The following ADCY2 variants were observed in gnomAD, a reference collection of about 807,000 sequenced individuals.
ADCY2 encodes adenylate cyclase 2, also known as adenylate cyclase type 2.
A neutral mutation model predicts 125.2 loss-of-function variants in ADCY2; 31 were observed. The ratio of observed to expected loss-of-function variants is 0.25; its 90% CI spans 0.19 to 0.33. ADCY2 has a LOEUF of 0.33. ADCY2 is among the 10% of genes least tolerant of loss of function. The pLI, the probability that ADCY2 is intolerant of heterozygous loss-of-function variation, is 1.00. For missense variants in ADCY2, 904 were observed against 1,418.2 expected (o/e 0.64, Z 5.82); for synonymous variants, 512 against 548.4 (o/e 0.93, Z 0.93).
chr5:7,482,279 A>G (rs1742760176), intron 2 of ADCY2, among the ~76,000 whole-genome samples: 1 of 151,808 alleles, frequency 6.6e-6, no homozygotes, highest in African/African-American at 2.4e-5. Flanking sequence ...GATTATTATT[A>G]TTTTACTTCA....
intron 12 of ADCY2, among the ~76,000 whole-genome samples, chr5:7,719,867 G>C (rs1376775951): frequency 1.3e-5 from 2 of 152,184 alleles, no homozygotes; most frequent in Non-Finnish European, 2.9e-5. Flanking sequence ...CAATAAGAAA[G>C]TGGTCTTCTC....
intron 2 of ADCY2, among the ~76,000 whole-genome samples, chr5:7,463,197 T>C (rs908487323): frequency 1.3e-5 from 2 of 151,438 alleles, no homozygotes; most frequent in African/African-American, 4.9e-5. Context: ...TTACATGCCA[T>C]TTTTTTTGGT....
At chr5:7,607,200 T>C (rs2126640452) in intron 3 of ADCY2, among the ~76,000 whole-genome samples, 1 of 152,320 alleles carries the variant, frequency 6.6e-6, no homozygotes, top group South Asian at 2.1e-4. Flanking sequence ...GACTTTCTTT[T>C]GGTTTAAAAA....
At chr5:7,556,473 A>T (rs1392034860) in intron 3 of ADCY2, among the ~76,000 whole-genome samples, 1 of 152,260 alleles carries the variant, frequency 6.6e-6, no homozygotes, top group Admixed American at 6.5e-5. Flanking sequence ...TTGTGATTGT[A>T]AACATCTGTT....
chr5:7,520,554 C>T (rs16878750), intron 2 of ADCY2, among the ~76,000 whole-genome samples, 184 bp from the exon 3 acceptor site: 2,702 of 152,286 alleles, frequency 0.018, 77 homozygotes, highest in African/African-American at 0.062. Context: ...TCCATCACAA[C>T]GATTAGTCTG....
intron 2 of ADCY2, among the ~76,000 whole-genome samples, chr5:7,436,879 T>C (rs781231302): frequency 2.6e-5 from 4 of 152,188 alleles, no homozygotes; most frequent in Non-Finnish European, 4.4e-5. Context: ...AGGGAATCTT[T>C]TGATGTCAGG....
intron 22 of ADCY2, among the ~76,000 whole-genome samples, chr5:7,814,346 C>T (rs575906173): frequency 1.3e-5 from 2 of 151,348 alleles, no homozygotes; most frequent in African/African-American, 4.9e-5. Flanking sequence ...CCTCCCCCCG[C>T]CCCCCGGAGC....
At chr5:7,542,712 G>A (rs1388176203) in intron 3 of ADCY2, among the ~76,000 whole-genome samples, 20 of 152,146 alleles carry the variant, frequency 1.3e-4, no homozygotes, top group Admixed American at 1.2e-3. Flanking sequence ...ATTTGGTGAG[G>A]CCTACCTTCA....
intron 4 of ADCY2, among the ~76,000 whole-genome samples, chr5:7,657,688 T>A (rs1739385471): frequency 6.6e-6 from 1 of 152,216 alleles, no homozygotes; most frequent in Admixed American, 6.5e-5. Flanking sequence ...ACGTGAGGGT[T>A]AATCACCTAA....
intron 14 of ADCY2, among the ~76,000 whole-genome samples, chr5:7,730,856 G>C (rs1051124383): frequency 6.6e-6 from 1 of 151,610 alleles, no homozygotes; most frequent in Non-Finnish European, 1.5e-5. Context: ...TCACTATATT[G>C]TTTCCATAAG....
At chr5:7,601,316 AAAAG>A (rs1156482967) in intron 3 of ADCY2, among the ~76,000 whole-genome samples, 1 of 150,658 alleles carries the variant, frequency 6.6e-6, no homozygotes, top group African/African-American at 2.5e-5. Context: ...TGATGAATTA[AAAAG>A]AAAAAAAAAC....
chr5:7,473,218 A>C (rs945460341), intron 2 of ADCY2, among the ~76,000 whole-genome samples: 1 of 152,192 alleles, frequency 6.6e-6, no homozygotes, highest in Non-Finnish European at 1.5e-5. Flanking sequence ...TGTAAAAAAC[A>C]TAAGTTTATT....
intron 2 of ADCY2, among the ~76,000 whole-genome samples, chr5:7,415,344 G>T (rs906363636): frequency 6.6e-6 from 1 of 152,092 alleles, no homozygotes; most frequent in South Asian, 2.1e-4. Context: ...CAAACCCATC[G>T]TACCACAGCC....
chr5:7,435,028 C>T (rs1181934320), intron 2 of ADCY2, among the ~76,000 whole-genome samples: 1 of 152,136 alleles, frequency 6.6e-6, no homozygotes, highest in Admixed American at 6.5e-5. Flanking sequence ...CTGGGAAACC[C>T]ATTCAGTTGG....
At chr5:7,717,364 A>G in intron 12 of ADCY2, 127 bp downstream of exon 12, 2 of 542,290 alleles carry the variant, frequency 3.7e-6, no homozygotes, top group Non-Finnish European at 6.5e-6. Flanking sequence ...ATTTCACTTC[A>G]GTTGTCCCTC....
chr5:7,508,999 A>T (rs1314680655), intron 2 of ADCY2, among the ~76,000 whole-genome samples: 1 of 152,180 alleles, frequency 6.6e-6, no homozygotes, highest in Non-Finnish European at 1.5e-5. Context: ...TTTGTTAATT[A>T]TTGGTAGAAA....
At chr5:7,444,175 G>A (rs1342036736) in intron 2 of ADCY2, among the ~76,000 whole-genome samples, 2 of 149,704 alleles carry the variant, frequency 1.3e-5, no homozygotes, top group African/African-American at 2.5e-5. Flanking sequence ...GTGCAGTGGC[G>A]GGATCTCGGC....
intron 12 of ADCY2, among the ~76,000 whole-genome samples, chr5:7,723,943 A>AAAAAAG (rs778086811): frequency 5.6e-5 from 8 of 143,968 alleles, no homozygotes; most frequent in Admixed American, 2.1e-4. Flanking sequence ...AAAAAAAAAA[A>AAAAAAG]AGAGAAAAGA....
In ADCY2 at chr5:7,589,490, GAA is replaced by G. The variant is rs1365371701; in HGVS notation, c.571-36675_571-36674del. On this transcript the variant is annotated intron_variant, in intron 3 of 24. Coordinates refer to ENST00000338316, the MANE Select transcript of ADCY2 (RefSeq NM_020546.3). Reference sequence around the variant, plus strand: ...AGAAAGAAAGAAAGAAAGAAAGAAAGAAAGAAAGAAAGAAAGAAAGAAAAGAA... The same window carrying G: ...AGAAAGAAAGAAAGAAAGAAAGAAAGAGAAAGAAAGAAAGAAAGAAAAGAA... Among the ~76,000 whole-genome samples, 3 of 58,474 alleles carry G rather than the reference GAA, an allele frequency of 5.1e-5. 1 individual carries two copies. The highest frequency in any genetic ancestry group is 8.6e-5 in the Non-Finnish European group (2 of 23,294). The allele number at this position is 58,474 out of a possible 152,430, so 38.4% of individuals were successfully genotyped here.
Sources: allele counts gnomAD v4.1 joint callset (sites outside exome capture counted in the v4.1 genomes callset), GRCh38; gene constraint gnomAD v4.1.1; transcripts MANE v1.5; gene names NCBI Gene and HGNC (gene_info 2026-07-23, HGNC 2026-07-21).